HECW1: variants seen among roughly 807,000 people sequenced by gnomAD.
HECW1 encodes HECT, C2 and WW domain containing E3 ubiquitin protein ligase 1, also known as E3 ubiquitin-protein ligase HECW1.
A neutral mutation model predicts 182.3 loss-of-function variants in HECW1; 61 were observed. That is an observed-to-expected ratio of 0.33 (90% CI 0.27 to 0.41). The LOEUF (loss-of-function observed/expected upper bound fraction) is 0.41. Among genes scored for constraint, HECW1 ranks in the 10% least tolerant of loss-of-function variants. The probability of loss-of-function intolerance (pLI) is 1.00; values close to 1 mark genes in which losing one functional copy is unlikely to be tolerated. For missense variants in HECW1, 1,739 were observed against 2,108.9 expected, an observed-to-expected ratio of 0.82 and a Z score of 3.44; for synonymous variants, 859 against 832.6, an observed-to-expected ratio of 1.03 and a Z score of -0.55.
At chr7:43,441,144 C>G (rs2076873740) in intron 9 of HECW1, among the ~76,000 whole-genome samples, 1 of 152,204 alleles carries the variant, frequency 6.6e-6, no homozygotes, top group Non-Finnish European at 1.5e-5. Flanking sequence ...ATTTACTCTG[C>G]TGAAGCTGCA....
At chr7:43,382,240 C>T (rs2074584336) in intron 6 of HECW1, among the ~76,000 whole-genome samples, 3 of 151,502 alleles carry the variant, frequency 2.0e-5, no homozygotes, top group Non-Finnish European at 1.5e-5. Flanking sequence ...GAGCCGAGAT[C>T]GCGCCACTGC....
intron 5 of HECW1, among the ~76,000 whole-genome samples, chr7:43,329,144 CA>C: frequency 7.0e-6 from 1 of 143,204 alleles, no homozygotes; most frequent in South Asian, 2.2e-4. Flanking sequence ...GGAACTCGGC[CA>C]GTTGGGAAGG....
intron 5 of HECW1, among the ~76,000 whole-genome samples, chr7:43,351,500 A>T (rs1814445343): frequency 6.6e-6 from 1 of 151,920 alleles, no homozygotes; most frequent in Non-Finnish European, 1.5e-5. Context: ...GCAGGGCTAG[A>T]CGTGTCTGAG....
At chr7:43,124,366 C>T (rs1330805380) in intron 2 of HECW1, among the ~76,000 whole-genome samples, 1 of 152,176 alleles carries the variant, frequency 6.6e-6, no homozygotes, top group African/African-American at 2.4e-5. Context: ...AGGTGGAACT[C>T]ATGACTTCAG....
intron 13 of HECW1, among the ~76,000 whole-genome samples, chr7:43,458,924 G>A (rs2077488371): frequency 6.6e-6 from 1 of 152,234 alleles, no homozygotes. Context: ...TGTGCAAGGA[G>A]ACATAAAACT....
At chr7:43,471,352 AG>A (rs566953912) in intron 16 of HECW1, among the ~76,000 whole-genome samples, 29 of 152,234 alleles carry the variant, frequency 1.9e-4, no homozygotes, top group Non-Finnish European at 3.7e-4. Flanking sequence ...ACTATGCAAA[AG>A]CCACCTTCAT....
intron 16 of HECW1, among the ~76,000 whole-genome samples, chr7:43,474,208 G>T (rs2078131293): frequency 6.6e-6 from 1 of 152,194 alleles, no homozygotes; most frequent in Non-Finnish European, 1.5e-5. Flanking sequence ...CCAGCTCTTT[G>T]GGAGGCCAAG....
intron 11 of HECW1, 103 bp downstream of exon 11, chr7:43,445,673 G>A: frequency 7.3e-7 from 1 of 1,374,666 alleles, no homozygotes; most frequent in Non-Finnish European, 9.7e-7. Flanking sequence ...GTGTCAAACG[G>A]GGTTGCTGGG....
At chr7:43,465,077 C>G (rs966429022) in intron 14 of HECW1, among the ~76,000 whole-genome samples, 1 of 152,164 alleles carries the variant, frequency 6.6e-6, no homozygotes, top group Non-Finnish European at 1.5e-5. Context: ...GCTAGGATTA[C>G]AGGCACGAGA....
At chr7:43,437,301 GC>G (rs1234910523) in intron 8 of HECW1, among the ~76,000 whole-genome samples, 3 of 152,096 alleles carry the variant, frequency 2.0e-5, no homozygotes, top group African/African-American at 7.2e-5. Flanking sequence ...AGATTTATCA[GC>G]CTTCACTTAA....
intron 2 of HECW1, among the ~76,000 whole-genome samples, chr7:43,163,487 C>T (rs1790774329): frequency 6.6e-6 from 1 of 152,130 alleles, no homozygotes; most frequent in African/African-American, 2.4e-5. Context: ...GGCTGGATTC[C>T]TCAACCCACC....
chr7:43,142,907 G>A (rs775706740), intron 2 of HECW1, among the ~76,000 whole-genome samples: 2 of 150,970 alleles, frequency 1.3e-5, no homozygotes, highest in Non-Finnish European at 3.0e-5. Context: ...CTGTAAAATC[G>A]ACAGGTCCCA....
At chr7:43,223,619 C>CAA (rs201184322) in intron 2 of HECW1, among the ~76,000 whole-genome samples, 1 of 142,562 alleles carries the variant, frequency 7.0e-6, no homozygotes, top group Non-Finnish European at 1.5e-5. Context: ...AACTCCGTCT[C>CAA]AAAAAAAAAA....
chr7:43,429,333 T>TATAC (rs1562965569), intron 8 of HECW1, among the ~76,000 whole-genome samples: 7 of 112,996 alleles, frequency 6.2e-5, no homozygotes, highest in South Asian at 2.8e-4. Context: ...TATATATATA[T>TATAC]ATACATATAT....
At chr7:43,416,464 G>A (rs998983821) in intron 8 of HECW1, among the ~76,000 whole-genome samples, 8 of 151,898 alleles carry the variant, frequency 5.3e-5, no homozygotes, top group African/African-American at 1.9e-4. Context: ...AGTCTGCAGA[G>A]GTTACTGCTG....
At chr7:43,386,268 A>G (rs943666675) in intron 6 of HECW1, among the ~76,000 whole-genome samples, 1 of 152,248 alleles carries the variant, frequency 6.6e-6, no homozygotes, top group Non-Finnish European at 1.5e-5. Flanking sequence ...TCCTGATTCC[A>G]GAGTAATTCA....
At chr7:43,478,330 C>T (rs1374574459) in intron 16 of HECW1, among the ~76,000 whole-genome samples, 1 of 152,122 alleles carries the variant, frequency 6.6e-6, no homozygotes, top group Admixed American at 6.5e-5. Flanking sequence ...GCAGGAGAAT[C>T]ACTTGAACCC....
chr7:43,371,012 C>T lies in HECW1; in HGVS notation c.555+10032C>T, dbSNP rs565270200. Reference sequence around the variant, plus strand: ...TCGCGATTCTACTGCCTCAGCCTCCCGAGTAGCTGGGACTACAGGTGCCCG... The same window carrying T: ...TCGCGATTCTACTGCCTCAGCCTCCTGAGTAGCTGGGACTACAGGTGCCCG... On this transcript the variant is annotated intron_variant, in intron 6 of 29. Transcript: ENST00000395891. Among the ~76,000 whole-genome samples, 54 of 151,998 alleles carry T rather than the reference C, an allele frequency of 3.6e-4. 1 individual carries two copies. Among genetic ancestry groups the T allele is most frequent in the Admixed American group, 5.2e-4 (8 of 15,272 alleles).
chr7:43,137,938 C>CT lies in HECW1; in HGVS notation c.-32+23561dup, dbSNP rs57423975. Among the ~76,000 whole-genome samples the CT allele has an allele frequency of 5.2e-3, 745 of 144,646 alleles. 4 individuals are homozygous for CT. The highest frequency in any genetic ancestry group is 7.9e-3 in the Non-Finnish European group (517 of 65,388). 94.9% of individuals were successfully genotyped at this position (144,646 alleles called of 152,430 possible). A position where few individuals can be genotyped will look rare whatever the true frequency, so the allele number is the denominator to read the frequency against. On this transcript the variant is annotated intron_variant, in intron 2 of 29. Transcript: ENST00000395891. ...AGATGTCATATTATTCTGACCAACA[C>CT]TTTTTTTTTTTTTTAAGATTCCGGC...
Sources: allele counts gnomAD v4.1 joint callset (sites outside exome capture counted in the v4.1 genomes callset), GRCh38; gene constraint gnomAD v4.1.1; transcripts MANE v1.5; gene names NCBI Gene and HGNC (gene_info 2026-07-23, HGNC 2026-07-21).